ADAM18: variants seen among roughly 807,000 people sequenced by gnomAD.
The protein encoded by ADAM18 is disintegrin and metalloproteinase domain-containing protein 18.
A neutral mutation model predicts 94.4 loss-of-function variants in ADAM18; 117 were observed. That is an observed-to-expected ratio of 1.24 (90% CI 1.07 to 1.45). ADAM18 has a LOEUF of 1.45. Among genes scored for constraint, ADAM18 ranks in the 40% most tolerant of loss-of-function variants. The probability of loss-of-function intolerance (pLI) is 0.00; values close to 1 mark genes in which losing one functional copy is unlikely to be tolerated. For missense variants in ADAM18, 936 were observed against 880.0 expected (o/e 1.06, Z -0.81); for synonymous variants, 327 against 291.6 (o/e 1.12, Z -1.24).
intron 2 of ADAM18, among the ~76,000 whole-genome samples, chr8:39,605,348 T>A (rs749938413): frequency 6.6e-6 from 1 of 152,164 alleles, no homozygotes; most frequent in African/African-American, 2.4e-5. Context: ...CACAATAGGA[T>A]CATGAGCATT....
At position 39,586,794 on chromosome 8, in the gene ADAM18, ATC is replaced by A. The variant is rs1491048069; in HGVS notation, c.132+1444_132+1445del. Reference sequence around the variant, plus strand: ...TATCTATCTATCTATCTATCTATCTATCTATCTATATCTATCTATCTATCATC... The same window carrying A: ...TATCTATCTATCTATCTATCTATCTATATCTATATCTATCTATCTATCATC... On this transcript the variant is annotated intron_variant, in intron 2 of 19. Transcript: ENST00000265707. Among the ~76,000 whole-genome samples the A allele has an allele frequency of 4.8e-3, 660 of 138,872 alleles. 4 individuals carry two copies. Among genetic ancestry groups the A allele is most frequent in the Admixed American group, 0.015 (202 of 13,432 alleles). 91.1% of individuals were successfully genotyped at this position (138,872 alleles called of 152,430 possible).
chr8:39,691,361 T>C (rs1821773462), intron 16 of ADAM18, among the ~76,000 whole-genome samples: 1 of 152,130 alleles, frequency 6.6e-6, no homozygotes, highest in Non-Finnish European at 1.5e-5. Flanking sequence ...GTAACTCTTA[T>C]ACACTGTTTG....
chr8:39,668,021 T>C lies in ADAM18; in HGVS notation c.1350T>C (p.Cys450=). 1 of 1,614,038 alleles carries C rather than the reference T, an allele frequency of 6.2e-7. No homozygotes were observed. Among genetic ancestry groups the C allele is most frequent in the South Asian group, 1.1e-5 (1 of 91,080 alleles). The change falls in exon 14 of 20, where the codon TGT becomes TGC. Residue 450 remains cysteine, a synonymous_variant. Transcript: ENST00000265707. ...KCELSIAGTP[C]RKSIDPECDF... ...AGTTGTCAATAGCAGGCACTCCATG[T>C]AGAAAGAGTATTGATCCAGAGTGTG...
At chr8:39,613,962 G>C (rs1430779551) in intron 6 of ADAM18, among the ~76,000 whole-genome samples, 1 of 152,156 alleles carries the variant, frequency 6.6e-6, no homozygotes. Context: ...AAACCTCTGA[G>C]AAATATGGGA....
chr8:39,611,249 A>G, intron 6 of ADAM18: 1 of 503,584 alleles, frequency 2.0e-6, no homozygotes, highest in Non-Finnish European at 2.6e-6. Context: ...GGACAAAATG[A>G]GTTGCTTCTC....
intron 6 of ADAM18, chr8:39,610,915 AT>A: frequency 2.5e-6 from 3 of 1,215,088 alleles, no homozygotes; most frequent in Non-Finnish European, 3.1e-6. Flanking sequence ...ATTATGTAAC[AT>A]TAATTTTTAT....
Position 39,668,054 on chromosome 8 carries a change from A to C in ADAM18, c.1383A>C (p.Thr461=), listed in dbSNP as rs765800308. The change falls in exon 14 of 20, where the codon ACA becomes ACC. Residue 461 remains threonine (T), a synonymous_variant. Coordinates refer to ENST00000265707, the MANE Select transcript of ADAM18 (RefSeq NM_014237.3). The part of the protein sequence containing the change: ...RKSIDPECDF[T]EYCNGTSSNC... ...GTATTGATCCAGAGTGTGATTTTAC[A>C]GAGTACTGCAATGGAACCTCTAGTA... 1 of 1,614,128 alleles carries C rather than the reference A, an allele frequency of 6.2e-7. No individual in the cohort carries two copies. The highest frequency in any genetic ancestry group is 8.5e-7 in the Non-Finnish European group (1 of 1,179,998).
At chr8:39,710,192 G>T (rs1425145029) in intron 18 of ADAM18, among the ~76,000 whole-genome samples, 1 of 152,114 alleles carries the variant, frequency 6.6e-6, no homozygotes, top group Non-Finnish European at 1.5e-5. Context: ...TGAAAAAGAA[G>T]ATTAAAAGGA....
intron 6 of ADAM18, among the ~76,000 whole-genome samples, chr8:39,619,761 T>A (rs1819552897): frequency 6.6e-6 from 1 of 152,152 alleles, no homozygotes; most frequent in East Asian, 1.9e-4. Flanking sequence ...TGGAAAGATA[T>A]TTAATGTTCA....
At chr8:39,682,987 T>C (rs1177738611) in intron 16 of ADAM18, among the ~76,000 whole-genome samples, 1 of 152,190 alleles carries the variant, frequency 6.6e-6, no homozygotes, top group Non-Finnish European at 1.5e-5. Flanking sequence ...CCCTTTATAA[T>C]ACACATTCCC....
At chr8:39,664,399 T>G (rs570274639) in intron 13 of ADAM18, among the ~76,000 whole-genome samples, 1 of 152,258 alleles carries the variant, frequency 6.6e-6, no homozygotes, top group East Asian at 1.9e-4. Flanking sequence ...TACAAGATAT[T>G]ATGTAAAGGA....
chr8:39,651,320 A>C (rs887795287), intron 12 of ADAM18, among the ~76,000 whole-genome samples: 1 of 152,136 alleles, frequency 6.6e-6, no homozygotes, highest in African/African-American at 2.4e-5. Flanking sequence ...CTCTTTTACT[A>C]ATCCTCCTTA....
intron 19 of ADAM18, among the ~76,000 whole-genome samples, chr8:39,727,448 T>A (rs1247390251): frequency 6.6e-6 from 1 of 152,214 alleles, no homozygotes; most frequent in African/African-American, 2.4e-5. Context: ...TATGGATTGT[T>A]AGAAGCAGCC....
intron 7 of ADAM18, among the ~76,000 whole-genome samples, chr8:39,634,698 T>C (rs1820030302): frequency 6.6e-6 from 1 of 152,182 alleles, no homozygotes; most frequent in Non-Finnish European, 1.5e-5. Flanking sequence ...CACCATTGTA[T>C]CTTGGAATCA....
At chr8:39,681,248 G>C (rs146442622) in intron 16 of ADAM18, among the ~76,000 whole-genome samples, 1 of 152,160 alleles carries the variant, frequency 6.6e-6, no homozygotes, top group Non-Finnish European at 1.5e-5. Flanking sequence ...AATCCTACAA[G>C]GAAAGCAATT....
rs1211993422 is a variant in ADAM18 at position 39,629,414 on chromosome 8, T to C, written c.563T>C (p.Ile188Thr). Residue 188 changes from isoleucine (I) to threonine (T), a missense_variant, in exon 7 of 20, where the codon ATA becomes ACA. Physicochemically the swap from Ile to Thr is moderately conservative, Grantham distance 89 (BLOSUM62 -1). Coordinates refer to ENST00000265707, the MANE Select transcript of ADAM18 (RefSeq NM_014237.3). ...LSKLLPQYLE[I>T]YIIVEKALYD... is the part of the protein sequence containing the mutation. Reference sequence around the variant, plus strand: ...AAACTATTACCCCAATATCTGGAAATATACATTATAGTGGAAAAAGCTTTG... The same window carrying C: ...AAACTATTACCCCAATATCTGGAAACATACATTATAGTGGAAAAAGCTTTG... 6 of 1,584,884 alleles carry C rather than the reference T, an allele frequency of 3.8e-6. No homozygotes were observed. The highest frequency in any genetic ancestry group is 5.2e-6 in the Non-Finnish European group (6 of 1,163,858).
chr8:39,659,610 T>C (rs1820781368), intron 12 of ADAM18, among the ~76,000 whole-genome samples: 1 of 151,990 alleles, frequency 6.6e-6, no homozygotes, highest in African/African-American at 2.4e-5. Context: ...CTGAAATATA[T>C]AAAACAAAAT....
chr8:39,611,565 A>C, intron 6 of ADAM18: 3 of 985,416 alleles, frequency 3.0e-6, no homozygotes, highest in Non-Finnish European at 3.6e-6. Flanking sequence ...TAAAAAAAGC[A>C]TTCTTCTCGG....
At chr8:39,653,122 A>G (rs1820582845) in intron 12 of ADAM18, among the ~76,000 whole-genome samples, 1 of 152,108 alleles carries the variant, frequency 6.6e-6, no homozygotes, top group Non-Finnish European at 1.5e-5. Context: ...TGGATTGTAT[A>G]CTTGAAAATT....
Sources: allele counts gnomAD v4.1 joint callset (sites outside exome capture counted in the v4.1 genomes callset), GRCh38; gene constraint gnomAD v4.1.1; transcripts MANE v1.5; gene names NCBI Gene and HGNC (gene_info 2026-07-23, HGNC 2026-07-21).